The following AKR7A3 variants were observed in gnomAD, a reference collection of about 807,000 sequenced individuals.
The protein encoded by AKR7A3 is aldo-keto reductase family 7 member A3, also known as AFB1 aldehyde reductase 2.
In AKR7A3, 37 loss-of-function variants were observed where a neutral mutation model predicts 32.5. The observed-to-expected ratio is 1.14, with a 90% CI of 0.88 to 1.50. The LOEUF is 1.50. Among genes scored for constraint, AKR7A3 ranks in the 40% most tolerant of loss-of-function variants. The probability of loss-of-function intolerance (pLI) is 0.00; values close to 1 mark genes in which losing one functional copy is unlikely to be tolerated. For missense variants in AKR7A3, 412 were observed against 453.2 expected (o/e 0.91, Z 0.83); for synonymous variants, 177 against 188.4 (o/e 0.94, Z 0.50).
At chr1:19,278,858 T>C (rs1017652452), downstream of AKR7A3, among the ~76,000 whole-genome samples, 3 of 151,992 alleles carry the variant, frequency 2.0e-5, no homozygotes, top group African/African-American at 7.3e-5. Context: ...TTCATACAGA[T>C]CAAATCATGC....
Position 19,288,548 on chromosome 1 carries a change from G to A in AKR7A3, c.162C>T (p.Ser54=), listed in dbSNP as rs118060916. The A allele has an allele frequency of 3.1e-3, 4,977 of 1,610,894 alleles. 45 individuals are homozygous for A. The East Asian group carries it at 0.035, about 11-fold the overall frequency. ...DTAFVYSEGQ[S]ETILGGLGLR... is the part of the protein sequence containing the mutation. ...GCCCCAGGCCGCCAAGGATGGTCTC[G>A]GACTGGCCCTCGCTGTACACGAAGG... The change falls in exon 1 of 7, where the codon TCC becomes TCT. Residue 54 remains serine, a synonymous_variant. Transcript: ENST00000361640.
In AKR7A3 at chr1:19,288,520, G is replaced by A. The variant is rs140103131; in HGVS notation, c.190C>T (p.Arg64Trp). ...CCTCTGCAGTCGCTGCCGCCCAGCC[G>A]GAGCCCCAGGCCGCCAAGGATGGTC... is the stretch of plus-strand genomic sequence containing the variant. ...SETILGGLGLRLGGSDCRVKI... is the reference protein window; with the variant it reads ...SETILGGLGLWLGGSDCRVKI... The change falls in exon 1 of 7, where the codon CGG becomes TGG. Residue 64 changes from arginine (R) to tryptophan (W), a missense_variant. Arg to Trp is a moderately radical substitution (Grantham distance 101, BLOSUM62 -3). Coordinates refer to ENST00000361640, the MANE Select transcript of AKR7A3 (RefSeq NM_012067.3). 165 of 1,611,040 alleles carry A rather than the reference G, an allele frequency of 1.0e-4. No individual in the cohort carries two copies. The highest frequency in any genetic ancestry group is 7.9e-4 in the African/African-American group (59 of 74,942).
At chr1:19,279,927 ATT>A (rs200029197), downstream of AKR7A3, among the ~76,000 whole-genome samples, 1 of 148,548 alleles carries the variant, frequency 6.7e-6, no homozygotes, top group African/African-American at 2.5e-5. Flanking sequence ...TTTTCTTGTG[ATT>A]TTTTTTTTTA....
In AKR7A3 at chr1:19,282,598, G is replaced by T. The variant is rs182775256; in HGVS notation, c.*133C>A. ...TGGGAGTTTTATTCTTCATTTGGTGGTGACTCTTCTATTAGGTTTTTGTCC... is the reference window on the plus strand; with the variant it reads ...TGGGAGTTTTATTCTTCATTTGGTGTTGACTCTTCTATTAGGTTTTTGTCC... On this transcript the variant is annotated 3_prime_UTR_variant, in exon 7 of 7. Coordinates refer to ENST00000361640, the MANE Select transcript of AKR7A3 (RefSeq NM_012067.3). 6.9e-7 allele frequency: 1 copy of T among 1,439,814 alleles called. No individual in the cohort carries two copies. Among genetic ancestry groups the T allele is most frequent in the African/African-American group, 1.4e-5 (1 of 69,100 alleles). 89.2% of individuals were successfully genotyped at this position (1,439,814 alleles called of 1,614,324 possible). A position where few individuals can be genotyped will look rare whatever the true frequency, so the allele number is the denominator to read the frequency against.
At chr1:19,278,352 G>C (rs571359456), downstream of AKR7A3, among the ~76,000 whole-genome samples, 10 of 151,884 alleles carry the variant, frequency 6.6e-5, no homozygotes, top group East Asian at 1.9e-3. Flanking sequence ...GAGGTCAGGG[G>C]ATTGAGACCA....
chr1:19,282,787 C>T lies in AKR7A3; in HGVS notation c.940G>A (p.Ala314Thr), dbSNP rs753968017. The T allele has an allele frequency of 5.6e-6, 9 of 1,613,606 alleles. No individual in the cohort carries two copies. The highest frequency in any genetic ancestry group is 3.3e-5 in the South Asian group (3 of 91,080). ...ACCAAATGCCAGGCTTGATTAAAGG[C>T]GTCCACGACAGCCGGCTCCAGGGGC... The part of the protein sequence containing the change: ...EGPLEPAVVD[A>T]FNQAWHLVTH... The change falls in exon 7 of 7, where the codon GCC becomes ACC. Residue 314 changes from alanine (A) to threonine (T), a missense_variant. Ala to Thr is a moderately conservative substitution (Grantham distance 58). Coordinates refer to ENST00000361640, the MANE Select transcript of AKR7A3 (RefSeq NM_012067.3).
rs143014551 is a variant in AKR7A3, at chr1:19,285,902, G to A, written c.493C>T (p.Pro165Ser). 1.2e-6 allele frequency: 2 copies of A among 1,613,594 alleles called. No homozygotes were observed. The highest frequency in any genetic ancestry group is 2.7e-5 in the African/African-American group (2 of 74,662). Reference protein sequence around the residue: ...TLCKSNGWILPTVYQGMYNAI... With the variant: ...TLCKSNGWILSTVYQGMYNAI... The stretch of plus-strand genomic sequence containing the variant: ...CTGGCTCTCACCTGGTACACAGTGG[G>A]CAGGATCCAGCCGTTGCTCTTGCAG... The change falls in exon 3 of 7, where the codon CCC becomes TCC. Residue 165 changes from proline to serine, a missense_variant. Physicochemically the swap from Pro to Ser is moderately conservative, Grantham distance 74. Transcript: ENST00000361640.
downstream of AKR7A3, among the ~76,000 whole-genome samples, chr1:19,280,123 G>C (rs975069856): frequency 6.6e-6 from 1 of 151,786 alleles, no homozygotes; most frequent in African/African-American, 2.4e-5. Flanking sequence ...TTTCTTTATG[G>C]AGTCTTTAAA....
intron 1 of AKR7A3, among the ~76,000 whole-genome samples, chr1:19,286,995 A>T (rs1179956605): frequency 6.6e-6 from 1 of 151,860 alleles, no homozygotes; most frequent in African/African-American, 2.4e-5. Context: ...GAAAGAAAAA[A>T]AAATCAGAAA....
chr1:19,279,027 T>C (rs988955689), downstream of AKR7A3, among the ~76,000 whole-genome samples: 7 of 151,892 alleles, frequency 4.6e-5, 1 homozygote, highest in South Asian at 2.1e-4. Flanking sequence ...TGCATAATCA[T>C]AGCTCACTCC....
chr1:19,278,393 C>T (rs2093714051), downstream of AKR7A3, among the ~76,000 whole-genome samples: 1 of 151,676 alleles, frequency 6.6e-6, no homozygotes, highest in South Asian at 2.1e-4. Flanking sequence ...CGCATCTCTA[C>T]TAAAAAATAC....
chr1:19,276,190 G>A, the AKR7A3 span, among the ~76,000 whole-genome samples: 655 of 151,358 alleles, frequency 4.3e-3, 11 homozygotes, highest in African/African-American at 0.014. Context: ...GTGAAACCCC[G>A]TCTCTACTAA....
At chr1:19,280,186 T>C (rs1558129646), downstream of AKR7A3, among the ~76,000 whole-genome samples, 1 of 151,922 alleles carries the variant, frequency 6.6e-6, no homozygotes, top group South Asian at 2.1e-4. Context: ...CTTTTGTTGT[T>C]TGTGCTTCTG....
At chr1:19,283,928 C>A in intron 6 of AKR7A3, 68 bp downstream of exon 6, 2 of 1,603,000 alleles carry the variant, frequency 1.2e-6, no homozygotes, top group Non-Finnish European at 1.7e-6. Flanking sequence ...AATGTTTCAG[C>A]CTTCATCTAA....
chr1:19,288,358 G>C, intron 1 of AKR7A3, 138 bp downstream of exon 1: 1 of 1,087,416 alleles, frequency 9.2e-7, no homozygotes, highest in Non-Finnish European at 1.3e-6. Context: ...CCAAGGCTGC[G>C]AGGTGAACAG....
rs1187007963 is a variant in AKR7A3 at position 19,284,701 on chromosome 1, T to C, written c.689A>G (p.Glu230Gly). 4 of 1,613,712 alleles carry C rather than the reference T, an allele frequency of 2.5e-6. No homozygotes were observed. Among genetic ancestry groups the C allele is most frequent in the Non-Finnish European group, 1.7e-6 (2 of 1,179,996 alleles). ...VGRFFGNTWA[E>G]MYRNRYWKEH... ...CACAGCTTACCGATTCCTGTACATC[T>C]CTGCCCAGGTATTCCCAAAGAAGCG... The change falls in exon 5 of 7, where the codon GAG becomes GGG. Residue 230 changes from glutamate to glycine, a missense_variant. Glu to Gly is a moderately conservative substitution (Grantham distance 98, BLOSUM62 -2). Coordinates refer to ENST00000361640, the MANE Select transcript of AKR7A3 (RefSeq NM_012067.3).
At position 19,284,876 on chromosome 1, in the gene AKR7A3, C is replaced by A. The variant is rs1212752157; in HGVS notation, c.605-91G>T. 3.2e-6 allele frequency: 5 copies of A among 1,568,800 alleles called. No individual in the cohort carries two copies. In the East Asian group the frequency reaches 9.0e-5, roughly 28 times the overall value. ...CTCTGGTCTAGGGGAGGGGCAGGGA[C>A]CCAGGAGGGCTGAAGATGCAGCCTT... On this transcript the variant is annotated intron_variant, in intron 4 of 6. Coordinates refer to ENST00000361640, the MANE Select transcript of AKR7A3 (RefSeq NM_012067.3).
At position 19,283,982 on chromosome 1, in the gene AKR7A3, G is replaced by C. The variant is rs1168492473; in HGVS notation, c.834+14C>G. 6.2e-7 allele frequency: 1 copy of C among 1,612,734 alleles called. No homozygotes were observed. The highest frequency in any genetic ancestry group is 8.5e-7 in the Non-Finnish European group (1 of 1,179,874). ...TGGAAGGGAAGAAGCTGAGCGCACAGGGTCACTGGTTACCTGCAGCTGTGA... is the reference window on the plus strand; with the variant it reads ...TGGAAGGGAAGAAGCTGAGCGCACACGGTCACTGGTTACCTGCAGCTGTGA... On this transcript the variant is annotated intron_variant, in intron 6 of 6. Coordinates refer to ENST00000361640, the MANE Select transcript of AKR7A3 (RefSeq NM_012067.3).
downstream of AKR7A3, among the ~76,000 whole-genome samples, chr1:19,278,094 T>A (rs1172253360): frequency 6.6e-6 from 1 of 151,904 alleles, no homozygotes; most frequent in Non-Finnish European, 1.5e-5. Context: ...TTTACAGTTT[T>A]ACCTTATACA....
Sources: gnomAD v4.1 joint callset for allele counts (sites outside exome capture counted in the v4.1 genomes callset) on GRCh38, gnomAD v4.1.1 for gene constraint, MANE v1.5 for transcripts, NCBI Gene and HGNC (gene_info 2026-07-23, HGNC 2026-07-21) for gene names.